GRIK4: variants seen among roughly 807,000 people sequenced by gnomAD.
GRIK4 encodes glutamate receptor ionotropic, kainate 4.
In GRIK4, 40 loss-of-function variants were observed where a neutral mutation model predicts 104.9. The observed-to-expected ratio is 0.38, with a 90% CI of 0.30 to 0.50. GRIK4 has a LOEUF of 0.50. Ranked by LOEUF, GRIK4 falls within the 20% of genes least tolerant of loss-of-function variation. GRIK4 has a pLI of 0.93. For synonymous variants in GRIK4, 485 were observed against 524.9 expected, an observed-to-expected ratio of 0.92 and a Z score of 1.04; for missense variants, 1,047 against 1,308.1, an observed-to-expected ratio of 0.80 and a Z score of 3.08.
At chr11:120,539,713 A>G (rs1243439014) in intron 1 of GRIK4, among the ~76,000 whole-genome samples, 2 of 152,236 alleles carry the variant, frequency 1.3e-5, no homozygotes, top group Non-Finnish European at 2.9e-5. Flanking sequence ...CCAGCTGAAC[A>G]GAGTCACCAA....
intron 2 of GRIK4, among the ~76,000 whole-genome samples, chr11:120,659,973 C>T (rs2135238910): frequency 6.6e-6 from 1 of 152,306 alleles, no homozygotes; most frequent in East Asian, 1.9e-4. Flanking sequence ...CTCAAGTGAT[C>T]CACCCACTTT....
intron 1 of GRIK4, among the ~76,000 whole-genome samples, chr11:120,580,124 T>C (rs1022555145): frequency 4.6e-5 from 7 of 152,242 alleles, no homozygotes; most frequent in Non-Finnish European, 8.8e-5. Context: ...ATTTACCCGT[T>C]GAAGGACGTT....
chr11:120,769,880 AG>A (rs1951908683), intron 3 of GRIK4, among the ~76,000 whole-genome samples: 1 of 152,210 alleles, frequency 6.6e-6, no homozygotes, highest in African/African-American at 2.4e-5. Flanking sequence ...TGGTGGACAA[AG>A]CCTGCACCAA....
At chr11:120,780,392 C>T (rs1190262306) in intron 3 of GRIK4, among the ~76,000 whole-genome samples, 4 of 152,176 alleles carry the variant, frequency 2.6e-5, no homozygotes, top group African/African-American at 7.2e-5. Flanking sequence ...CAGTCTTTGT[C>T]TTTTTGTGTC....
At chr11:120,631,460 G>C (rs1038887934) in intron 1 of GRIK4, among the ~76,000 whole-genome samples, 2 of 152,172 alleles carry the variant, frequency 1.3e-5, no homozygotes, top group Non-Finnish European at 2.9e-5. Flanking sequence ...AGGTGGTTGT[G>C]TCATCCAGGG....
intron 13 of GRIK4, among the ~76,000 whole-genome samples, chr11:120,911,854 A>AG (rs1943005915): frequency 2.0e-5 from 3 of 151,504 alleles, no homozygotes; most frequent in Admixed American, 6.6e-5. Context: ...AAAAAAAAAA[A>AG]AAAAGAAAAG....
chr11:120,966,884 C>A (rs1343799779), intron 18 of GRIK4, among the ~76,000 whole-genome samples: 1 of 152,112 alleles, frequency 6.6e-6, no homozygotes, highest in Non-Finnish European at 1.5e-5. Context: ...GCACAACTGC[C>A]TGGAAAGCCG....
chr11:120,560,186 T>G (rs988197458), intron 1 of GRIK4, among the ~76,000 whole-genome samples: 1 of 152,060 alleles, frequency 6.6e-6, no homozygotes, highest in African/African-American at 2.4e-5. Context: ...GTAGCTGGGA[T>G]TGTAGGTGTG....
chr11:120,792,726 T>A (rs909193201), intron 3 of GRIK4, among the ~76,000 whole-genome samples: 1 of 152,128 alleles, frequency 6.6e-6, no homozygotes. Context: ...CGTAGGAATG[T>A]TAACAGGAAG....
intron 3 of GRIK4, among the ~76,000 whole-genome samples, chr11:120,745,049 C>T (rs117119588): frequency 0.028 from 4,305 of 152,136 alleles, 77 homozygotes; most frequent in South Asian, 0.045. Context: ...ACTTGATGAC[C>T]GAGGGGAATT....
intron 1 of GRIK4, among the ~76,000 whole-genome samples, chr11:120,529,454 C>A (rs188351142): frequency 6.6e-6 from 1 of 152,186 alleles, no homozygotes; most frequent in Non-Finnish European, 1.5e-5. Flanking sequence ...ACTACAGGGA[C>A]GAGCCTAGAG....
At chr11:120,663,635 C>A (rs141077673) in intron 3 of GRIK4, among the ~76,000 whole-genome samples, 26 of 152,350 alleles carry the variant, frequency 1.7e-4, no homozygotes, top group Admixed American at 1.3e-3. Flanking sequence ...CCTCTTGTTA[C>A]TCCTTCCTTG....
chr11:120,573,626 G>A (rs938542066), intron 1 of GRIK4, among the ~76,000 whole-genome samples: 5 of 152,230 alleles, frequency 3.3e-5, no homozygotes, highest in African/African-American at 1.2e-4. Context: ...TGGTCACTGA[G>A]CAGATAGACG....
chr11:120,785,072 C>T (rs894936860), intron 3 of GRIK4, among the ~76,000 whole-genome samples: 1 of 152,292 alleles, frequency 6.6e-6, no homozygotes. Context: ...CACTCCCGTC[C>T]CTTCTGCCTT....
In GRIK4 at chr11:120,688,580, T is replaced by G. The variant is rs149752854; in HGVS notation, c.82+28180T>G. Among the ~76,000 whole-genome samples, 63 of 152,298 alleles carry G rather than the reference T, an allele frequency of 4.1e-4. 1 individual carries two copies. In the East Asian group the frequency reaches 0.012, roughly 29 times the overall value. The stretch of plus-strand genomic sequence containing the variant: ...AAGCCCAGGAGGCCTCGATACTTCA[T>G]CAGGTTTCTAATGATTTTGTCAGAG... On this transcript the variant is annotated intron_variant, in intron 3 of 20. Coordinates refer to ENST00000527524, the MANE Select transcript of GRIK4 (RefSeq NM_014619.5).
At chr11:120,971,996 G>A (rs1944483257) in intron 19 of GRIK4, among the ~76,000 whole-genome samples, 1 of 152,218 alleles carries the variant, frequency 6.6e-6, no homozygotes, top group Non-Finnish European at 1.5e-5. Flanking sequence ...AGGACATTGT[G>A]TAGAGCAGCC....
At chr11:120,541,098 C>T (rs1453089222) in intron 1 of GRIK4, among the ~76,000 whole-genome samples, 1 of 152,270 alleles carries the variant, frequency 6.6e-6, no homozygotes, top group African/African-American at 2.4e-5. Flanking sequence ...TGGACTGAGG[C>T]GCAGCTACCG....
At chr11:120,846,809 C>T (rs1323605960) in intron 8 of GRIK4, among the ~76,000 whole-genome samples, 1 of 152,150 alleles carries the variant, frequency 6.6e-6, no homozygotes, top group African/African-American at 2.4e-5. Flanking sequence ...TGGATGAATA[C>T]ATAATGAACA....
intron 7 of GRIK4, among the ~76,000 whole-genome samples, chr11:120,835,824 G>A (rs59852162): frequency 1.4e-4 from 21 of 152,090 alleles, no homozygotes; most frequent in African/African-American, 4.6e-4. Flanking sequence ...GCACACTGAC[G>A]GGGAAGGTTG....
Sources: allele counts gnomAD v4.1 joint callset (sites outside exome capture counted in the v4.1 genomes callset), GRCh38; gene constraint gnomAD v4.1.1; transcripts MANE v1.5; gene names NCBI Gene and HGNC (gene_info 2026-07-23, HGNC 2026-07-21).